Variants in PPP3CA observed in about 807,000 individuals in gnomAD.
PPP3CA encodes CAM-PRP catalytic subunit.
PPP3CA carries 14 observed loss-of-function variants against 66.5 expected under a neutral mutation model. The observed-to-expected ratio is 0.21, with a 90% confidence interval of 0.14 to 0.33. The LOEUF (loss-of-function observed/expected upper bound fraction) is 0.33. Among genes scored for constraint, PPP3CA ranks in the 10% least tolerant of loss-of-function variants. The pLI, the probability that PPP3CA is intolerant of heterozygous loss-of-function variation, is 1.00. For synonymous variants in PPP3CA, 232 were observed against 226.2 expected (o/e 1.03, Z -0.23); for missense variants, 317 against 639.5 (o/e 0.50, Z 5.44).
At chr4:101,295,073 G>A (rs1207218033) in intron 1 of PPP3CA, among the ~76,000 whole-genome samples, 4 of 150,952 alleles carry the variant, frequency 2.6e-5, no homozygotes, top group South Asian at 2.1e-4. Flanking sequence ...AGGCCGAGGC[G>A]GGTGGATCAT....
At chr4:101,122,783 A>G (rs1398975092) in intron 2 of PPP3CA, among the ~76,000 whole-genome samples, 1 of 152,232 alleles carries the variant, frequency 6.6e-6, no homozygotes, top group African/African-American at 2.4e-5. Context: ...AGCATAAGGT[A>G]TTTCGAGGAG....
intron 2 of PPP3CA, chr4:101,170,963 T>G (rs1025046796): frequency 7.6e-5 from 21 of 277,480 alleles, no homozygotes; most frequent in Admixed American, 1.5e-4. Context: ...CATTTTGGTA[T>G]TTTTTAAAGT....
At chr4:101,182,112 T>A (rs1724254056) in intron 2 of PPP3CA, among the ~76,000 whole-genome samples, 1 of 152,150 alleles carries the variant, frequency 6.6e-6, no homozygotes. Context: ...CTCTAAGACC[T>A]ATCAACTTTT....
intron 11 of PPP3CA, 63 bp from the exon 12 acceptor site, chr4:101,032,427 A>T: frequency 7.1e-7 from 1 of 1,409,010 alleles, no homozygotes; most frequent in South Asian, 1.2e-5. Context: ...GAAAGAAATG[A>T]CTGAAAGGAA....
At chr4:101,084,346 A>G (rs1260705882) in intron 6 of PPP3CA, among the ~76,000 whole-genome samples, 1 of 152,202 alleles carries the variant, frequency 6.6e-6, no homozygotes, top group Non-Finnish European at 1.5e-5. Context: ...TATCATTAAG[A>G]TAACATACAG....
intron 11 of PPP3CA, among the ~76,000 whole-genome samples, chr4:101,038,273 C>G (rs1727341144): frequency 6.6e-6 from 1 of 152,198 alleles, no homozygotes; most frequent in African/African-American, 2.4e-5. Context: ...CAATTTTAAC[C>G]TCTTTATGAA....
rs1005464579 is a variant in PPP3CA, at chr4:101,341,922, T to A, written c.58+4817A>T. ...ATATTTGCTAAAAGGAGAGTGAGTA[T>A]CTGCAAAAATGCTGTTTTCCAATGA... On this transcript the variant is annotated intron_variant, in intron 1 of 13. Coordinates refer to ENST00000394854, the MANE Select transcript of PPP3CA (RefSeq NM_000944.5). Among the ~76,000 whole-genome samples, 3 of 152,158 alleles carry A rather than the reference T, an allele frequency of 2.0e-5. No individual in the cohort carries two copies. In the South Asian group the frequency reaches 6.2e-4, roughly 32 times the overall value.
chr4:101,140,952 A>G (rs1722789483), intron 2 of PPP3CA, among the ~76,000 whole-genome samples: 1 of 152,260 alleles, frequency 6.6e-6, no homozygotes. Context: ...TTTCACTAGT[A>G]GTACATTTCA....
In PPP3CA at chr4:101,080,516, A is replaced by G; in HGVS notation, c.955+16T>C. ...CATATTATGTAAGACTGCAAGAGGT[A>G]TTTAAAAACACTTACCTTTGTTATT... On this transcript the variant is annotated intron_variant, in intron 8 of 13. Coordinates refer to ENST00000394854, the MANE Select transcript of PPP3CA (RefSeq NM_000944.5). The G allele has an allele frequency of 7.5e-7, 1 of 1,340,666 alleles. No individual in the cohort carries two copies. The allele number at this position is 1,340,666 out of a possible 1,614,324, so 83.0% of individuals were successfully genotyped here.
intron 2 of PPP3CA, among the ~76,000 whole-genome samples, chr4:101,180,885 G>C (rs1724215060): frequency 6.6e-6 from 1 of 151,760 alleles, no homozygotes; most frequent in Non-Finnish European, 1.5e-5. Context: ...AATTTAGCAG[G>C]GCATGGTGGT....
intron 2 of PPP3CA, among the ~76,000 whole-genome samples, chr4:101,124,351 TG>T (rs1477548047): frequency 2.6e-5 from 4 of 152,108 alleles, no homozygotes; most frequent in Admixed American, 2.6e-4. Flanking sequence ...CTGGGTGTGG[TG>T]GCTCATGCCT....
chr4:101,244,054 TA>T (rs1726397778), intron 1 of PPP3CA, among the ~76,000 whole-genome samples: 1 of 152,176 alleles, frequency 6.6e-6, no homozygotes. Context: ...AAGTGAAGAG[TA>T]TATTGACTTG....
At chr4:101,147,908 T>C (rs1723019934) in intron 2 of PPP3CA, among the ~76,000 whole-genome samples, 1 of 152,170 alleles carries the variant, frequency 6.6e-6, no homozygotes, top group Admixed American at 6.5e-5. Context: ...TGAGGGAAAT[T>C]GAGTAACTCC....
intron 2 of PPP3CA, among the ~76,000 whole-genome samples, chr4:101,149,946 A>G (rs1723086410): frequency 6.6e-6 from 1 of 152,158 alleles, no homozygotes; most frequent in African/African-American, 2.4e-5. Flanking sequence ...AAGATGAGTA[A>G]ACTAAGGCTA....
At chr4:101,242,770 A>G (rs1023703595) in intron 1 of PPP3CA, among the ~76,000 whole-genome samples, 1 of 152,126 alleles carries the variant, frequency 6.6e-6, no homozygotes. Flanking sequence ...TCTACAAAAA[A>G]ATAAAATATT....
chr4:101,030,963 T>G (rs934810932), intron 12 of PPP3CA, among the ~76,000 whole-genome samples: 13 of 151,302 alleles, frequency 8.6e-5, no homozygotes, highest in East Asian at 3.9e-4. Flanking sequence ...TTGTGTGTGT[T>G]TTTTTTTTAA....
At chr4:101,301,553 C>G (rs1728377831) in intron 1 of PPP3CA, among the ~76,000 whole-genome samples, 1 of 144,852 alleles carries the variant, frequency 6.9e-6, no homozygotes, top group African/African-American at 2.5e-5. Context: ...AGTGCAGTGA[C>G]ACAATCTCAG....
chr4:101,068,774 T>C, intron 8 of PPP3CA, among the ~76,000 whole-genome samples: 1 of 152,162 alleles, frequency 6.6e-6, no homozygotes, highest in East Asian at 1.9e-4. Context: ...TATTAATAAC[T>C]TAAAGGGAAA....
intron 1 of PPP3CA, among the ~76,000 whole-genome samples, chr4:101,345,241 A>C (rs1300204038): frequency 1.3e-5 from 2 of 152,216 alleles, no homozygotes; most frequent in Non-Finnish European, 2.9e-5. Context: ...AAAAAAGGGA[A>C]CGTAATTTCC....
Sources: gnomAD v4.1 joint callset for allele counts (sites outside exome capture counted in the v4.1 genomes callset) on GRCh38, gnomAD v4.1.1 for gene constraint, MANE v1.5 for transcripts, NCBI Gene and HGNC (gene_info 2026-07-23, HGNC 2026-07-21) for gene names.